The following PTPRD variants were observed in gnomAD, a reference collection of about 807,000 sequenced individuals.
PTPRD encodes the protein receptor-type tyrosine-protein phosphatase delta.
Under a neutral mutation model 214.5 loss-of-function variants are expected in PTPRD, and 34 were observed. That is an observed-to-expected ratio of 0.16 (90% CI 0.12 to 0.21). PTPRD has a LOEUF of 0.21. PTPRD is among the 10% of genes least tolerant of loss of function. PTPRD has a pLI of 1.00. For missense variants in PTPRD, 2,545 were observed against 2,398.7 expected (o/e 1.06, Z -1.27); for synonymous variants, 1,128 against 845.7 (o/e 1.33, Z -5.79).
At chr9:10,198,492 C>A (rs2099406857) in intron 3 of PTPRD, among the ~76,000 whole-genome samples, 2 of 151,620 alleles carry the variant, frequency 1.3e-5, no homozygotes, top group South Asian at 2.1e-4. Flanking sequence ...AGAGGCGGGT[C>A]AAAAAAAGAT....
chr9:8,827,200 GCTCA>G (rs1323921829), intron 11 of PTPRD, among the ~76,000 whole-genome samples: 3 of 152,116 alleles, frequency 2.0e-5, no homozygotes, highest in Non-Finnish European at 2.9e-5. Context: ...GACTAACTAA[GCTCA>G]CTGAGGGTAA....
In PTPRD at chr9:10,083,346, C is replaced by G. The variant is rs2098274098; in HGVS notation, c.-544-49556G>C. Among the ~76,000 whole-genome samples, 3 of 152,022 alleles carry G rather than the reference C, an allele frequency of 2.0e-5. No individual in the cohort carries two copies. In the South Asian group the frequency reaches 6.2e-4, roughly 32 times the overall value. ...TATAAGTCTTAAGCATTCTCAATGC[C>G]TATGTAGGTTTTCATATACACAGAT... On this transcript the variant is annotated intron_variant, in intron 3 of 45. Transcript: ENST00000381196.
intron 8 of PTPRD, among the ~76,000 whole-genome samples, chr9:9,567,815 T>C (rs1005628115): frequency 2.6e-5 from 4 of 151,952 alleles, no homozygotes; most frequent in Non-Finnish European, 4.4e-5. Flanking sequence ...CAATAGTAAA[T>C]GATCCTTATA....
intron 12 of PTPRD, among the ~76,000 whole-genome samples, chr9:8,654,445 C>T (rs2096871230): frequency 6.6e-6 from 1 of 152,052 alleles, no homozygotes; most frequent in African/African-American, 2.4e-5. Context: ...GAGTAAACGA[C>T]GAGTTCATAA....
chr9:9,103,019 C>T (rs954157388), intron 10 of PTPRD, among the ~76,000 whole-genome samples: 2 of 151,968 alleles, frequency 1.3e-5, no homozygotes, highest in Non-Finnish European at 2.9e-5. Flanking sequence ...ATTGTCCTGG[C>T]TCTTATTTGT....
chr9:10,290,139 C>T (rs1327548560), intron 3 of PTPRD, among the ~76,000 whole-genome samples: 1 of 152,112 alleles, frequency 6.6e-6, no homozygotes, highest in Non-Finnish European at 1.5e-5. Flanking sequence ...AAAATAACTA[C>T]ATTAAATGGT....
intron 6 of PTPRD, among the ~76,000 whole-genome samples, chr9:9,748,757 G>C (rs1361827104): frequency 1.3e-5 from 2 of 152,130 alleles, no homozygotes; most frequent in Non-Finnish European, 2.9e-5. Context: ...CCTTTGATTT[G>C]ACTGGATTTT....
chr9:8,910,155 C>A (rs1305940882), intron 11 of PTPRD, among the ~76,000 whole-genome samples: 1 of 152,082 alleles, frequency 6.6e-6, no homozygotes, highest in Non-Finnish European at 1.5e-5. Flanking sequence ...TCTCCTGCCC[C>A]AGCCTCCCGA....
chr9:8,975,856 G>C (rs1445629090), intron 11 of PTPRD, among the ~76,000 whole-genome samples: 1 of 151,320 alleles, frequency 6.6e-6, no homozygotes, highest in Non-Finnish European at 1.5e-5. Context: ...TTTTCTCTAT[G>C]CTAGCTTTCT....
In PTPRD at chr9:8,486,115, A is replaced by G. The variant is rs2097000087; in HGVS notation, c.2702T>C (p.Val901Ala). 6.2e-7 allele frequency: 1 copy of G among 1,614,018 alleles called. No homozygotes were observed. Among genetic ancestry groups the G allele is most frequent in the African/African-American group, 1.3e-5 (1 of 74,912 alleles). Residue 901 changes from valine (V) to alanine (A), a missense_variant, in exon 28 of 46, where the codon GTG becomes GCG. Coordinates refer to ENST00000381196, the MANE Select transcript of PTPRD (RefSeq NM_002839.4). ...CTTCACCATCTCCTCCCCAAAGCCC[A>G]CTTTGTTTCTGGCTGAGAGCCTGAA... ...YVFRLSARNK[V>A]GFGEEMVKEI... is the part of the protein sequence containing the mutation.
chr9:8,802,632 G>C (rs2096594634), intron 11 of PTPRD, among the ~76,000 whole-genome samples: 2 of 152,188 alleles, frequency 1.3e-5, no homozygotes, highest in Non-Finnish European at 1.5e-5. Context: ...CTTCCTTCTA[G>C]GTCAATTTGT....
intron 36 of PTPRD, among the ~76,000 whole-genome samples, chr9:8,402,980 A>T (rs2092595360): frequency 6.6e-6 from 1 of 152,186 alleles, no homozygotes; most frequent in Admixed American, 6.5e-5. Flanking sequence ...GAATTTTACA[A>T]AATATATCTA....
intron 11 of PTPRD, among the ~76,000 whole-genome samples, chr9:8,787,504 A>T (rs1345629571): frequency 6.6e-6 from 1 of 152,176 alleles, no homozygotes; most frequent in Non-Finnish European, 1.5e-5. Context: ...ATTAATGTCT[A>T]GGACAGGGGT....
intron 11 of PTPRD, among the ~76,000 whole-genome samples, chr9:8,741,851 A>G (rs1036046589): frequency 1.3e-5 from 2 of 151,824 alleles, no homozygotes; most frequent in African/African-American, 4.8e-5. Flanking sequence ...AGCCTCCCAA[A>G]GTGCTGGGAT....
At chr9:10,477,828 C>A (rs1309797713) in intron 2 of PTPRD, among the ~76,000 whole-genome samples, 2 of 152,010 alleles carry the variant, frequency 1.3e-5, no homozygotes, top group African/African-American at 2.4e-5. Context: ...ATGTCCTTTG[C>A]AGTAACATGG....
intron 11 of PTPRD, among the ~76,000 whole-genome samples, chr9:8,890,541 A>G (rs978064162): frequency 1.3e-5 from 2 of 152,236 alleles, no homozygotes; most frequent in African/African-American, 4.8e-5. Flanking sequence ...GGTTAGAAAA[A>G]GTGTATGTTA....
chr9:9,713,746 C>G (rs1191721392), intron 7 of PTPRD, among the ~76,000 whole-genome samples: 1 of 152,072 alleles, frequency 6.6e-6, no homozygotes, highest in Non-Finnish European at 1.5e-5. Flanking sequence ...GGAAAGAGAA[C>G]AGAATATTGG....
chr9:8,638,546 G>C (rs2096498504), intron 12 of PTPRD, among the ~76,000 whole-genome samples: 1 of 152,164 alleles, frequency 6.6e-6, no homozygotes, highest in Non-Finnish European at 1.5e-5. Context: ...TGCAGAAATT[G>C]CTTCCAGTTT....
At position 10,090,149 on chromosome 9, in the gene PTPRD, A is replaced by C. The variant is rs111887277; in HGVS notation, c.-544-56359T>G. Among the ~76,000 whole-genome samples the C allele has an allele frequency of 3.9e-3, 597 of 151,740 alleles. 7 individuals carry two copies. Among genetic ancestry groups the C allele is most frequent in the African/African-American group, 0.012 (516 of 41,504 alleles). ...CATAGCAGGAATTTCCATCCCAGTA[A>C]CTGTTATTTCACTTTTTAAAATCTG... On this transcript the variant is annotated intron_variant, in intron 3 of 45. Transcript: ENST00000381196.
Sources: allele counts gnomAD v4.1 joint callset (sites outside exome capture counted in the v4.1 genomes callset), GRCh38; gene constraint gnomAD v4.1.1; transcripts MANE v1.5; gene names NCBI Gene and HGNC (gene_info 2026-07-23, HGNC 2026-07-21).